Variants in CFAP77 observed in about 807,000 individuals in gnomAD.
CFAP77 encodes the protein cilia- and flagella-associated protein 77.
In CFAP77, 25 loss-of-function variants were observed where a neutral mutation model predicts 31.1. The ratio of observed to expected loss-of-function variants is 0.80; its 90% CI spans 0.59 to 1.12. CFAP77 has a LOEUF of 1.12. CFAP77 is among the 50% of genes most tolerant of loss of function. CFAP77 has a pLI of 0.00. For synonymous variants in CFAP77, 151 were observed against 159.9 expected (o/e 0.94, Z 0.42); for missense variants, 377 against 397.3 (o/e 0.95, Z 0.44).
intron 5 of CFAP77, among the ~76,000 whole-genome samples, chr9:132,567,647 C>A (rs1010441177): frequency 5.1e-4 from 78 of 152,306 alleles, no homozygotes; most frequent in African/African-American, 1.9e-3. Context: ...TTGTCACAAA[C>A]CTTGGTGGCT....
chr9:132,529,619 G>T (rs574648951), intron 3 of CFAP77, among the ~76,000 whole-genome samples: 55 of 151,740 alleles, frequency 3.6e-4, no homozygotes, highest in Non-Finnish European at 6.6e-4. Context: ...GAGGTCAGGA[G>T]ATCGAGACCA....
In CFAP77 at chr9:132,460,667, A is replaced by G. The variant is rs530684756; in HGVS notation, c.196-38028A>G. On this transcript the variant is annotated intron_variant, in intron 1 of 5. Transcript: ENST00000393216. ...GGGTATGAGATAACCTTTTGGGGTG[A>G]TGAAAAAGTGTTGGCACTAGATAGA... Among the ~76,000 whole-genome samples, 149 of 152,278 alleles carry G rather than the reference A, an allele frequency of 9.8e-4. 1 individual carries two copies. Among genetic ancestry groups the G allele is most frequent in the African/African-American group, 3.2e-3 (133 of 41,552 alleles).
intron 1 of CFAP77, among the ~76,000 whole-genome samples, chr9:132,462,384 C>T (rs1302656992): frequency 6.6e-6 from 1 of 152,200 alleles, no homozygotes; most frequent in Non-Finnish European, 1.5e-5. Flanking sequence ...CAAATTGGGA[C>T]ATTTTCATAG....
intron 3 of CFAP77, among the ~76,000 whole-genome samples, chr9:132,500,830 C>T (rs1254965269): frequency 6.6e-6 from 1 of 152,206 alleles, no homozygotes; most frequent in African/African-American, 2.4e-5. Flanking sequence ...AGATAAGCTC[C>T]CTAGTGCTAA....
chr9:132,498,600 A>C lies in CFAP77; in HGVS notation c.196-95A>C. The C allele has an allele frequency of 1.1e-6, 1 of 920,390 alleles. No homozygotes were observed. Among genetic ancestry groups the C allele is most frequent in the Non-Finnish European group, 1.7e-6 (1 of 586,802 alleles). The allele number at this position is 920,390 out of a possible 1,614,324, so 57.0% of individuals were successfully genotyped here. The stretch of plus-strand genomic sequence containing the variant: ...GAAGGCCACGGCAGGGCCTGGGGGA[A>C]ATGCAGGCATCTGGTGCCTCCCTGC... On this transcript the variant is annotated intron_variant, in intron 1 of 5. Coordinates refer to ENST00000393216, the MANE Select transcript of CFAP77 (RefSeq NM_001282957.2). This position sits in a 1 kb window ranked among gnomAD's most constrained non-coding sequence, Gnocchi z 4.2.
intron 5 of CFAP77, among the ~76,000 whole-genome samples, chr9:132,550,054 C>T (rs943597589): frequency 9.2e-5 from 14 of 152,128 alleles, no homozygotes; most frequent in African/African-American, 3.1e-4. Flanking sequence ...CGGCCAAGTT[C>T]CTAGAGCAGC....
At chr9:132,459,534 AGT>A (rs1297596161) in intron 1 of CFAP77, among the ~76,000 whole-genome samples, 1 of 143,434 alleles carries the variant, frequency 7.0e-6, no homozygotes, top group Non-Finnish European at 1.5e-5. Flanking sequence ...TGTATGTGTG[AGT>A]GTGTGTAGGT....
intron 3 of CFAP77, among the ~76,000 whole-genome samples, chr9:132,506,280 G>GCA (rs1394499700): frequency 2.6e-5 from 4 of 152,208 alleles, no homozygotes; most frequent in African/African-American, 9.7e-5. Context: ...GCCACCCAAG[G>GCA]TCCGGAAACA....
chr9:132,438,199 CAA>C (rs954482789), intron 1 of CFAP77, among the ~76,000 whole-genome samples: 8 of 47,852 alleles, frequency 1.7e-4, no homozygotes, highest in South Asian at 8.3e-4. Flanking sequence ...GAGACGCCAT[CAA>C]AAAAAAAAAA....
At chr9:132,458,352 G>GGGGGGGT (rs1850964192) in intron 1 of CFAP77, among the ~76,000 whole-genome samples, 3 of 98,646 alleles carry the variant, frequency 3.0e-5, no homozygotes, top group Non-Finnish European at 6.6e-5. Flanking sequence ...CGGGGGAGGG[G>GGGGGGGT]GGGGGGTGTG....
At chr9:132,563,596 A>C (rs1292858706) in intron 5 of CFAP77, among the ~76,000 whole-genome samples, 2 of 152,198 alleles carry the variant, frequency 1.3e-5, no homozygotes, top group East Asian at 3.8e-4. Flanking sequence ...TTCCTCATGC[A>C]CATCTCTTAG....
intron 3 of CFAP77, among the ~76,000 whole-genome samples, chr9:132,514,173 C>T (rs4339764): frequency 0.13 from 19,410 of 145,368 alleles, 1,372 homozygotes; most frequent in East Asian, 0.2. Context: ...AGTGAGGAGA[C>T]GCCCCTTCCC....
At position 132,499,671 on chromosome 9, in the gene CFAP77, C is replaced by G; in HGVS notation, c.524+71C>G. On this transcript the variant is annotated intron_variant, in intron 3 of 5. Transcript: ENST00000393216. The surrounding 1 kb of genome is among the most constrained non-coding windows in gnomAD (Gnocchi z 5.4). ...GTACCAGCTCAATCAGGGACAAGGT[C>G]GGAGGGTGACAGGGAAGTGGAGCAT... The G allele has an allele frequency of 7.1e-7, 1 of 1,405,470 alleles. No individual in the cohort carries two copies. Among genetic ancestry groups the G allele is most frequent in the Non-Finnish European group, 1.0e-6 (1 of 996,844 alleles). 87.1% of individuals were successfully genotyped at this position (1,405,470 alleles called of 1,614,324 possible).
In CFAP77 at chr9:132,498,824, A is replaced by G; in HGVS notation, c.295+30A>G. On this transcript the variant is annotated intron_variant, in intron 2 of 5. Coordinates refer to ENST00000393216, the MANE Select transcript of CFAP77 (RefSeq NM_001282957.2). The surrounding 1 kb of genome is among the most constrained non-coding windows in gnomAD (Gnocchi z 4.2). ...GCGAGCAGCTTTGGAGCATGAGGGC[A>G]GAGGAGTGGGAGGGAGGCTCACCCC... 1.3e-6 allele frequency: 2 copies of G among 1,519,598 alleles called. No individual in the cohort carries two copies. The highest frequency in any genetic ancestry group is 2.3e-5 in the South Asian group (2 of 86,306). The allele number at this position is 1,519,598 out of a possible 1,614,324, so 94.1% of individuals were successfully genotyped here. A position where few individuals can be genotyped will look rare whatever the true frequency, so the allele number is the denominator to read the frequency against.
chr9:132,506,184 G>A (rs1851928265), intron 3 of CFAP77, among the ~76,000 whole-genome samples: 1 of 152,290 alleles, frequency 6.6e-6, no homozygotes, highest in Non-Finnish European at 1.5e-5. Context: ...CTGTTTCACT[G>A]TCAAATCCCA....
At chr9:132,459,205 G>T (rs1002394438) in intron 1 of CFAP77, among the ~76,000 whole-genome samples, 1 of 151,876 alleles carries the variant, frequency 6.6e-6, no homozygotes, top group African/African-American at 2.4e-5. Context: ...CCGAGTAGCT[G>T]GGACTACAGG....
intron 1 of CFAP77, among the ~76,000 whole-genome samples, chr9:132,434,313 A>G (rs1315668015): frequency 6.6e-6 from 1 of 152,068 alleles, no homozygotes; most frequent in Non-Finnish European, 1.5e-5. Flanking sequence ...CATGTATATG[A>G]AAATGTCTGT....
At chr9:132,437,065 T>C (rs1194605771) in intron 1 of CFAP77, among the ~76,000 whole-genome samples, 1 of 152,150 alleles carries the variant, frequency 6.6e-6, no homozygotes, top group Admixed American at 6.6e-5. Context: ...TGCTCTTCAT[T>C]TCGCACCCTG....
At chr9:132,430,069 A>C (rs946473369) in intron 1 of CFAP77, among the ~76,000 whole-genome samples, 1 of 151,086 alleles carries the variant, frequency 6.6e-6, no homozygotes. Context: ...TCTCCTGGGC[A>C]CTCCCTGGCT....
Sources: allele counts gnomAD v4.1 joint callset (sites outside exome capture counted in the v4.1 genomes callset), GRCh38; gene constraint gnomAD v4.1.1; non-coding constraint Gnocchi (gnomAD v3.1); transcripts MANE v1.5; gene names NCBI Gene and HGNC (gene_info 2026-07-23, HGNC 2026-07-21).